The following GCNT2 variants were observed in gnomAD, a reference collection of about 807,000 sequenced individuals.
GCNT2 encodes the protein N-acetyllactosaminide beta-1,6-N-acetylglucosaminyl-transferase.
In GCNT2, 34 loss-of-function variants were observed where a neutral mutation model predicts 34.2. The ratio of observed to expected loss-of-function variants is 1.00; its 90% CI spans 0.76 to 1.32. The LOEUF is 1.32. GCNT2 is among the 40% of genes most tolerant of loss of function. The pLI is 0.00. For missense variants in GCNT2, 584 were observed against 489.4 expected (o/e 1.19, Z -1.82); for synonymous variants, 212 against 188.0 (o/e 1.13, Z -1.04).
chr6:10,606,418 A>G (rs1412037955), intron 3 of GCNT2, among the ~76,000 whole-genome samples: 2 of 152,334 alleles, frequency 1.3e-5, no homozygotes, highest in Non-Finnish European at 2.9e-5. Context: ...AAAGCTGCAA[A>G]GTCATACTGA....
intron 3 of GCNT2, among the ~76,000 whole-genome samples, chr6:10,561,695 C>T (rs1043979141): frequency 4.6e-5 from 7 of 152,216 alleles, no homozygotes; most frequent in African/African-American, 1.7e-4. Flanking sequence ...CCTCGCTGCA[C>T]TAAGTGTGCT....
At chr6:10,563,770 AAAAAAAAATATATATAT>A (rs1324567130) in intron 3 of GCNT2, among the ~76,000 whole-genome samples, 96 of 75,326 alleles carry the variant, frequency 1.3e-3, no homozygotes, top group African/African-American at 5.2e-3. Flanking sequence ...AAAAAAAAAA[AAAAAAAAATATATATAT>A]ATATATATAT....
intron 3 of GCNT2, chr6:10,557,042 G>T: frequency 1.9e-6 from 3 of 1,612,310 alleles, no homozygotes; most frequent in Non-Finnish European, 2.5e-6. Flanking sequence ...GTATCTGAAA[G>T]GATTTAAAGG....
At chr6:10,577,568 TTCAC>T (rs1280616037) in intron 3 of GCNT2, among the ~76,000 whole-genome samples, 1 of 152,150 alleles carries the variant, frequency 6.6e-6, no homozygotes, top group Non-Finnish European at 1.5e-5. Flanking sequence ...GAGATAGAAT[TTCAC>T]TCTTTTTGCC....
At chr6:10,610,043 C>T (rs1303539995) in intron 3 of GCNT2, among the ~76,000 whole-genome samples, 2 of 152,216 alleles carry the variant, frequency 1.3e-5, no homozygotes, top group Non-Finnish European at 2.9e-5. Context: ...GGTGGAAATA[C>T]TGCAGACAGA....
chr6:10,534,933 C>T (rs1761689816), intron 3 of GCNT2, among the ~76,000 whole-genome samples: 1 of 152,124 alleles, frequency 6.6e-6, no homozygotes, highest in Non-Finnish European at 1.5e-5. Flanking sequence ...CCTGTAATCC[C>T]AGCTCTTTGG....
chr6:10,575,169 C>G (rs529403690), intron 3 of GCNT2: 69 of 421,498 alleles, frequency 1.6e-4, no homozygotes, highest in African/African-American at 1.3e-3. Flanking sequence ...TCCATGTTTT[C>G]TAAAAGGCTT....
At chr6:10,537,970 G>T (rs976554129) in intron 3 of GCNT2, among the ~76,000 whole-genome samples, 2 of 152,022 alleles carry the variant, frequency 1.3e-5, no homozygotes, top group African/African-American at 4.8e-5. Flanking sequence ...AGCTGACCGG[G>T]AGCTGGGGTG....
At chr6:10,619,023 C>T (rs925326851) in intron 3 of GCNT2, among the ~76,000 whole-genome samples, 1 of 152,122 alleles carries the variant, frequency 6.6e-6, no homozygotes, top group African/African-American at 2.4e-5. Context: ...CATATGACAT[C>T]AGGGCAAAAG....
intron 3 of GCNT2, among the ~76,000 whole-genome samples, chr6:10,539,819 C>G (rs1160369828): frequency 6.6e-6 from 1 of 152,230 alleles, no homozygotes; most frequent in Non-Finnish European, 1.5e-5. Context: ...GGCATGATGG[C>G]TCATGCCTGT....
At chr6:10,523,740 G>A (rs1024307304) in intron 1 of GCNT2, among the ~76,000 whole-genome samples, 4 of 152,002 alleles carry the variant, frequency 2.6e-5, no homozygotes, top group East Asian at 3.9e-4. Context: ...TGGGAGGCCG[G>A]GGTGGGCGGA....
At position 10,528,719 on chromosome 6, in the gene GCNT2, C is replaced by CT. The variant is rs1306519575; in HGVS notation, c.-192dup. Reference sequence around the variant, plus strand: ...TGTCACAGAAAAGTGAAAATGCAACCTAGTGGTAAGTGAAGAGGGGAAGAA... The same window carrying CT: ...TGTCACAGAAAAGTGAAAATGCAACCTTAGTGGTAAGTGAAGAGGGGAAGAA... On this transcript the variant is annotated 5_prime_UTR_variant, in exon 3 of 5. The change abolishes the stop of an existing upstream ORF in the 5' untranslated region. Coordinates refer to ENST00000495262, the MANE Select transcript of GCNT2 (RefSeq NM_145649.5). The CT allele has an allele frequency of 4.8e-6, 3 of 621,068 alleles. No homozygotes were observed. Among genetic ancestry groups the CT allele is most frequent in the Non-Finnish European group, 8.5e-6 (3 of 351,282 alleles). The allele number at this position is 621,068 out of a possible 1,614,324, so 38.5% of individuals were successfully genotyped here. A position where few individuals can be genotyped will look rare whatever the true frequency, so the allele number is the denominator to read the frequency against.
At chr6:10,579,828 A>C (rs1457310025) in intron 3 of GCNT2, among the ~76,000 whole-genome samples, 2 of 96,570 alleles carry the variant, frequency 2.1e-5, no homozygotes, top group Non-Finnish European at 4.4e-5. Context: ...AAAACAAACA[A>C]AAAAAAAAAA....
rs1329356615 is a variant in GCNT2 at position 10,556,253 on chromosome 6, C to T, written c.925+26417C>T. 65 of 1,470,004 alleles carry T rather than the reference C, an allele frequency of 4.4e-5. 1 individual carries two copies. The South Asian group carries it at 8.9e-4, about 20-fold the overall frequency. The allele number at this position is 1,470,004 out of a possible 1,614,324, so 91.1% of individuals were successfully genotyped here. A position where few individuals can be genotyped will look rare whatever the true frequency, so the allele number is the denominator to read the frequency against. On this transcript the variant is annotated intron_variant, in intron 3 of 4. Transcript: ENST00000495262. ...TCTGGCTGTAATATCGGCACAGGGA[C>T]AGAGACAGCAGCTGGACTCTCGGGA...
At chr6:10,575,358 AT>A (rs55639937) in intron 3 of GCNT2, 6,829 of 137,942 alleles carry the variant, frequency 0.05, 192 homozygotes, top group African/African-American at 0.11. Context: ...CTGGGTTGAC[AT>A]TTTTTTTTTT....
intron 4 of GCNT2, among the ~76,000 whole-genome samples, chr6:10,623,894 G>A (rs779542498): frequency 1.8e-4 from 27 of 152,104 alleles, no homozygotes; most frequent in African/African-American, 6.3e-4. Context: ...CGTCTGACCC[G>A]TGTATTGTAA....
chr6:10,593,730 A>G (rs13220552), intron 3 of GCNT2, among the ~76,000 whole-genome samples: 16,744 of 152,256 alleles, frequency 0.11, 1,106 homozygotes, highest in Middle Eastern at 0.17. Flanking sequence ...TAATTGATAT[A>G]TGTATATATC....
chr6:10,612,106 C>G (rs1301311051), intron 3 of GCNT2, among the ~76,000 whole-genome samples: 1 of 151,912 alleles, frequency 6.6e-6, no homozygotes, highest in Non-Finnish European at 1.5e-5. Flanking sequence ...CCTGCCTCAG[C>G]CTCCCAAGGA....
intron 1 of GCNT2, among the ~76,000 whole-genome samples, chr6:10,524,908 T>G (rs1233316075): frequency 6.7e-6 from 1 of 149,818 alleles, no homozygotes; most frequent in Non-Finnish European, 1.5e-5. Context: ...AAAAACCAGT[T>G]TAATCCAAGC....
Sources: allele counts gnomAD v4.1 joint callset (sites outside exome capture counted in the v4.1 genomes callset), GRCh38; gene constraint gnomAD v4.1.1; transcripts MANE v1.5; gene names NCBI Gene and HGNC (gene_info 2026-07-23, HGNC 2026-07-21).